Variants in CADM2 observed in about 807,000 individuals in gnomAD.
The protein encoded by CADM2 is immunoglobulin superfamily member 4D.
In CADM2, 12 loss-of-function variants were observed where a neutral mutation model predicts 49.8. The ratio of observed to expected loss-of-function variants is 0.24; its 90% CI spans 0.15 to 0.39. The LOEUF is 0.39. Among genes scored for constraint, CADM2 ranks in the 10% least tolerant of loss-of-function variants. The probability of loss-of-function intolerance (pLI) is 1.00; values close to 1 mark genes in which losing one functional copy is unlikely to be tolerated. For missense variants in CADM2, 378 were observed against 492.3 expected (o/e 0.77, Z 2.20); for synonymous variants, 214 against 175.4 (o/e 1.22, Z -1.74).
chr3:85,104,974 A>C (rs1466643381), intron 1 of CADM2, among the ~76,000 whole-genome samples: 2 of 152,194 alleles, frequency 1.3e-5, no homozygotes, highest in African/African-American at 2.4e-5. Context: ...TTTTGGGGTG[A>C]GACGATGGGG....
chr3:85,519,557 G>T (rs73843639), intron 1 of CADM2, among the ~76,000 whole-genome samples: 4 of 151,904 alleles, frequency 2.6e-5, no homozygotes, highest in Non-Finnish European at 5.9e-5. Context: ...AGCCAATATC[G>T]TATGGCTTAT....
At chr3:85,341,421 G>T (rs2045236883) in intron 1 of CADM2, among the ~76,000 whole-genome samples, 1 of 151,646 alleles carries the variant, frequency 6.6e-6, no homozygotes, top group Non-Finnish European at 1.5e-5. Flanking sequence ...AAATGGTTAG[G>T]GTAACATCTG....
intron 3 of CADM2, among the ~76,000 whole-genome samples, chr3:85,829,276 C>CA: frequency 6.7e-6 from 1 of 150,152 alleles, no homozygotes; most frequent in Non-Finnish European, 1.5e-5. Flanking sequence ...AACTGATCTG[C>CA]TTTTTTTTTG....
At chr3:85,079,434 A>T (rs1392714756) in intron 1 of CADM2, among the ~76,000 whole-genome samples, 1 of 151,808 alleles carries the variant, frequency 6.6e-6, no homozygotes, top group Admixed American at 6.6e-5. Flanking sequence ...CTTTAATTGT[A>T]GAAGGATTAC....
At chr3:85,350,488 G>A (rs1198896394) in intron 1 of CADM2, among the ~76,000 whole-genome samples, 1 of 152,014 alleles carries the variant, frequency 6.6e-6, no homozygotes, top group Non-Finnish European at 1.5e-5. Flanking sequence ...ACTTTTACCT[G>A]TCTTCCAAAA....
At position 85,009,067 on chromosome 3, in the gene CADM2, G is replaced by A. The variant is rs528554342; in HGVS notation, c.61+49399G>A. Among the ~76,000 whole-genome samples the A allele has an allele frequency of 3.9e-5, 6 of 152,226 alleles. No homozygotes were observed. The South Asian group carries it at 6.2e-4, about 16-fold the overall frequency. ...TGTATGTATAGTGAGAGATGTCTGC[G>A]CAGCCAGATGTCAGGAACATTTTAG... On this transcript the variant is annotated intron_variant, in intron 1 of 9. Coordinates refer to ENST00000383699, the MANE Select transcript of CADM2 (RefSeq NM_001167675.2).
chr3:85,972,448 C>G (rs1726272483), intron 8 of CADM2, among the ~76,000 whole-genome samples: 1 of 151,666 alleles, frequency 6.6e-6, no homozygotes, highest in Admixed American at 6.6e-5. Flanking sequence ...ATCCTGGGAC[C>G]ACCCCTGGGG....
chr3:85,942,903 T>A (rs1254063150), intron 7 of CADM2, among the ~76,000 whole-genome samples: 2 of 152,080 alleles, frequency 1.3e-5, no homozygotes, highest in African/African-American at 4.8e-5. Flanking sequence ...CCCTGAGGAA[T>A]CGCCACACCG....
intron 1 of CADM2, among the ~76,000 whole-genome samples, chr3:85,339,410 C>CT (rs1232004049): frequency 6.6e-6 from 1 of 151,366 alleles, no homozygotes; most frequent in Non-Finnish European, 1.5e-5. Flanking sequence ...AAATGTGTCT[C>CT]TTTTTTTACT....
At chr3:85,648,637 A>C (rs2107574500) in intron 1 of CADM2, among the ~76,000 whole-genome samples, 1 of 152,112 alleles carries the variant, frequency 6.6e-6, no homozygotes, top group African/African-American at 2.4e-5. Flanking sequence ...GTTTTATAGG[A>C]ATGCTGTTAA....
At chr3:85,108,949 C>G (rs1000577195) in intron 1 of CADM2, among the ~76,000 whole-genome samples, 1 of 151,800 alleles carries the variant, frequency 6.6e-6, no homozygotes, top group Admixed American at 6.6e-5. Context: ...AACTAAAACC[C>G]TAAATAAGAA....
intron 1 of CADM2, among the ~76,000 whole-genome samples, chr3:85,418,998 G>A (rs542202847): frequency 1.2e-4 from 18 of 152,154 alleles, no homozygotes; most frequent in Admixed American, 1.0e-3. Flanking sequence ...GTTGGGAACA[G>A]AAAGTTCAAA....
intron 1 of CADM2, among the ~76,000 whole-genome samples, chr3:85,722,874 A>G (rs914189063): frequency 3.3e-5 from 5 of 152,170 alleles, no homozygotes; most frequent in African/African-American, 1.2e-4. Context: ...TTGAGAAAAT[A>G]TTAGACAGAG....
intron 1 of CADM2, among the ~76,000 whole-genome samples, chr3:85,368,717 C>A (rs1398369760): frequency 6.6e-6 from 1 of 151,804 alleles, no homozygotes; most frequent in Non-Finnish European, 1.5e-5. Context: ...TATATTTTAT[C>A]CTGGCAGGAA....
At chr3:86,019,718 A>T (rs951302090) in intron 8 of CADM2, among the ~76,000 whole-genome samples, 2 of 152,108 alleles carry the variant, frequency 1.3e-5, no homozygotes, top group African/African-American at 4.8e-5. Flanking sequence ...TGATTTTTGT[A>T]CATTGATTTT....
chr3:84,990,970 G>T (rs943762522), intron 1 of CADM2, among the ~76,000 whole-genome samples: 16 of 152,046 alleles, frequency 1.1e-4, no homozygotes, highest in Admixed American at 9.2e-4. Context: ...TGGGTTACAA[G>T]TCTCATTAAA....
chr3:85,090,937 A>G (rs1378004243), intron 1 of CADM2, among the ~76,000 whole-genome samples: 4 of 152,170 alleles, frequency 2.6e-5, no homozygotes, highest in Non-Finnish European at 5.9e-5. Flanking sequence ...TCGTGGTATC[A>G]AAAAGGTTGG....
chr3:85,403,194 C>T (rs1006057268), intron 1 of CADM2, among the ~76,000 whole-genome samples: 1 of 152,104 alleles, frequency 6.6e-6, no homozygotes, highest in African/African-American at 2.4e-5. Context: ...AACTATCCCT[C>T]TCATGATGAT....
chr3:86,032,951 G>C (rs1734724276), intron 8 of CADM2, among the ~76,000 whole-genome samples: 1 of 151,628 alleles, frequency 6.6e-6, no homozygotes, highest in Non-Finnish European at 1.5e-5. Flanking sequence ...CATTTCCTTT[G>C]TATTTTAAGA....
Sources: allele counts gnomAD v4.1 joint callset (sites outside exome capture counted in the v4.1 genomes callset), GRCh38; gene constraint gnomAD v4.1.1; transcripts MANE v1.5; gene names NCBI Gene and HGNC (gene_info 2026-07-23, HGNC 2026-07-21).